Variants in NPSR1 observed in about 807,000 individuals in gnomAD.
The protein encoded by NPSR1 is neuropeptide S receptor 1, also known as neuropeptide S receptor.
Under a neutral mutation model 46.9 loss-of-function variants are expected in NPSR1, and 48 were observed. The ratio of observed to expected loss-of-function variants is 1.02; its 90% CI spans 0.81 to 1.30. The LOEUF is 1.30. Ranked by LOEUF, NPSR1 falls within the 50% of genes most tolerant of loss-of-function variation. NPSR1 has a pLI of 0.00. For synonymous variants in NPSR1, 176 were observed against 168.1 expected, an observed-to-expected ratio of 1.05 and a Z score of -0.36; for missense variants, 450 against 449.5, an observed-to-expected ratio of 1.00 and a Z score of -0.01.
intron 8 of NPSR1, chr7:34,877,936 G>A: frequency 1.8e-6 from 1 of 557,842 alleles, no homozygotes. Flanking sequence ...GTGGTATTAA[G>A]TACAAAGTGA....
intron 2 of NPSR1, among the ~76,000 whole-genome samples, chr7:34,752,308 T>C (rs1785581276): frequency 6.6e-6 from 1 of 152,156 alleles, no homozygotes; most frequent in Admixed American, 6.5e-5. Flanking sequence ...GGATTACCCT[T>C]ATCTTGTCTC....
chr7:34,712,514 A>G (rs1452845008), intron 2 of NPSR1, among the ~76,000 whole-genome samples: 5 of 152,180 alleles, frequency 3.3e-5, no homozygotes, highest in African/African-American at 9.7e-5. Context: ...TGTTGTGTGA[A>G]GGCATCCACA....
chr7:34,859,105 G>C (rs1791124143), intron 8 of NPSR1, among the ~76,000 whole-genome samples: 3 of 151,594 alleles, frequency 2.0e-5, no homozygotes, highest in Admixed American at 2.0e-4. Flanking sequence ...CTGGGTCTTG[G>C]TTACATACAG....
chr7:34,843,432 C>T (rs931450718), intron 6 of NPSR1, among the ~76,000 whole-genome samples: 5 of 152,150 alleles, frequency 3.3e-5, no homozygotes, highest in African/African-American at 4.8e-5. Context: ...AGGGCCAAGC[C>T]CTGGTGGCCT....
chr7:34,681,050 T>C (rs924773483), intron 1 of NPSR1, among the ~76,000 whole-genome samples: 2 of 152,112 alleles, frequency 1.3e-5, no homozygotes, highest in Non-Finnish European at 2.9e-5. Flanking sequence ...GTATATTTTG[T>C]GTCAGGCAGA....
chr7:34,818,700 G>A (rs184527692), intron 4 of NPSR1, among the ~76,000 whole-genome samples: 5 of 152,258 alleles, frequency 3.3e-5, no homozygotes, highest in African/African-American at 1.2e-4. Context: ...AAAACAGCAA[G>A]GTACTTGTAC....
intron 1 of NPSR1, among the ~76,000 whole-genome samples, chr7:34,661,279 A>C (rs1791438842): frequency 6.6e-6 from 1 of 152,026 alleles, no homozygotes. Context: ...TTCCATTTCT[A>C]AGCCAATGAG....
intron 3 of NPSR1, among the ~76,000 whole-genome samples, chr7:34,786,905 C>T (rs182001446): frequency 6.6e-6 from 1 of 152,120 alleles, no homozygotes; most frequent in East Asian, 1.9e-4. Flanking sequence ...TTATAGAGCA[C>T]AGGCACAGTA....
chr7:34,714,165 G>A (rs890676399), intron 2 of NPSR1, among the ~76,000 whole-genome samples: 18 of 152,312 alleles, frequency 1.2e-4, no homozygotes, highest in Admixed American at 1.2e-3. Context: ...TCCTCACTTG[G>A]GCCTCTCCAG....
chr7:34,760,620 G>A (rs1212831109), intron 2 of NPSR1, among the ~76,000 whole-genome samples: 4 of 152,126 alleles, frequency 2.6e-5, no homozygotes, highest in Admixed American at 2.6e-4. Flanking sequence ...TAACTGCAGA[G>A]GAAAAAAGTC....
chr7:34,825,985 G>T (rs146857623), intron 4 of NPSR1, among the ~76,000 whole-genome samples: 3,145 of 152,172 alleles, frequency 0.021, 49 homozygotes, highest in Non-Finnish European at 0.034. Flanking sequence ...GGAATTTGGG[G>T]TTTTTTTATT....
intron 2 of NPSR1, among the ~76,000 whole-genome samples, chr7:34,755,252 C>T (rs2128726145): frequency 1.3e-5 from 2 of 152,312 alleles, no homozygotes; most frequent in South Asian, 4.1e-4. Flanking sequence ...CTCATCCTCA[C>T]CAACATTTGT....
chr7:34,837,399 G>C (rs1206725105), intron 6 of NPSR1, among the ~76,000 whole-genome samples: 1 of 152,214 alleles, frequency 6.6e-6, no homozygotes, highest in Non-Finnish European at 1.5e-5. Flanking sequence ...TCTCAACACA[G>C]ACAGACAAGT....
intron 5 of NPSR1, among the ~76,000 whole-genome samples, chr7:34,829,211 C>G (rs1790005134): frequency 6.6e-6 from 1 of 151,814 alleles, no homozygotes; most frequent in Non-Finnish European, 1.5e-5. Flanking sequence ...CTTGCCCCCG[C>G]CCCCTCATCA....
intron 4 of NPSR1, among the ~76,000 whole-genome samples, chr7:34,816,111 C>A (rs535248312): frequency 1.3e-5 from 2 of 151,174 alleles, no homozygotes; most frequent in Admixed American, 1.3e-4. Context: ...AATTAAAAGA[C>A]ACACACTGGC....
chr7:34,790,967 A>ATATATCATATATGTTATATGTTATATGT (rs1562730163), intron 3 of NPSR1, among the ~76,000 whole-genome samples: 2 of 75,042 alleles, frequency 2.7e-5, no homozygotes, highest in Non-Finnish European at 5.2e-5. Context: ...ATGTTATATT[A>ATATATCATATATGTTATATGTTATATGT]TATATGTTAT....
At chr7:34,872,183 G>C (rs1203806774) in intron 8 of NPSR1, among the ~76,000 whole-genome samples, 3 of 151,940 alleles carry the variant, frequency 2.0e-5, no homozygotes, top group African/African-American at 4.9e-5. Context: ...AACTGCCAAG[G>C]CATGGCTTGC....
At chr7:34,766,717 C>T (rs1350465157) in intron 2 of NPSR1, among the ~76,000 whole-genome samples, 6 of 151,958 alleles carry the variant, frequency 3.9e-5, no homozygotes, top group African/African-American at 1.4e-4. Flanking sequence ...GGATTACAGG[C>T]GCCAGCCACC....
At chr7:34,762,133 A>C (rs912123735) in intron 2 of NPSR1, among the ~76,000 whole-genome samples, 39 of 152,186 alleles carry the variant, frequency 2.6e-4, no homozygotes, top group Non-Finnish European at 5.9e-5. Context: ...CTAATGGAGA[A>C]AGGGAGACAC....
Sources: gnomAD v4.1 joint callset for allele counts (sites outside exome capture counted in the v4.1 genomes callset) on GRCh38, gnomAD v4.1.1 for gene constraint, MANE v1.5 for transcripts, NCBI Gene and HGNC (gene_info 2026-07-23, HGNC 2026-07-21) for gene names.